PRKCE: variants seen among roughly 807,000 people sequenced by gnomAD.
PRKCE encodes the protein protein kinase C epsilon.
In PRKCE, 16 loss-of-function variants were observed where a neutral mutation model predicts 85.4. The observed-to-expected ratio is 0.19, with a 90% CI of 0.13 to 0.28. PRKCE has a LOEUF of 0.28. PRKCE is among the 10% of genes least tolerant of loss of function. The probability of loss-of-function intolerance (pLI) is 1.00; values close to 1 mark genes in which losing one functional copy is unlikely to be tolerated. For synonymous variants in PRKCE, 388 were observed against 371.5 expected (o/e 1.04, Z -0.51); for missense variants, 573 against 975.2 (o/e 0.59, Z 5.49).
intron 10 of PRKCE, among the ~76,000 whole-genome samples, chr2:46,058,897 C>T (rs986049214): frequency 2.0e-5 from 3 of 152,156 alleles, no homozygotes; most frequent in African/African-American, 2.4e-5. Context: ...GGGATCTTGC[C>T]GTGTGGCCCA....
At chr2:45,991,569 G>C (rs1395989395) in intron 6 of PRKCE, among the ~76,000 whole-genome samples, 1 of 152,204 alleles carries the variant, frequency 6.6e-6, no homozygotes, top group East Asian at 1.9e-4. Context: ...ATGTTCCGTA[G>C]ATTGTTTAAA....
At chr2:45,794,845 A>AC (rs33982229) in intron 1 of PRKCE, among the ~76,000 whole-genome samples, 12,840 of 122,138 alleles carry the variant, frequency 0.11, 1,146 homozygotes, top group African/African-American at 0.22. Flanking sequence ...TTATTGCCCT[A>AC]CCCCCCCCCC....
At chr2:45,934,863 G>A (rs1209817214) in intron 2 of PRKCE, among the ~76,000 whole-genome samples, 7 of 148,032 alleles carry the variant, frequency 4.7e-5, no homozygotes, top group Non-Finnish European at 1.0e-4. Context: ...GACCAGCGTG[G>A]GCAACATGGA....
chr2:45,692,334 T>G (rs910633168), intron 1 of PRKCE, among the ~76,000 whole-genome samples: 1 of 152,140 alleles, frequency 6.6e-6, no homozygotes, highest in African/African-American at 2.4e-5. Context: ...TTTTTTCTTG[T>G]CATTTCCACC....
In PRKCE at chr2:45,976,629, G is replaced by T. The variant is rs764294051; in HGVS notation, c.572+41G>T. On this transcript the variant is annotated intron_variant, in intron 3 of 14. Transcript: ENST00000306156. ...GGGAACCTCTAATTACAACATCTCT[G>T]TTACAAGATGTCGGGGATGGGGTAG... 9 of 1,585,424 alleles carry T rather than the reference G, an allele frequency of 5.7e-6. No homozygotes were observed. The South Asian group carries it at 8.9e-5, about 16-fold the overall frequency.
intron 2 of PRKCE, among the ~76,000 whole-genome samples, chr2:45,966,721 T>G (rs964765064): frequency 2.6e-5 from 4 of 152,114 alleles, no homozygotes; most frequent in Non-Finnish European, 4.4e-5. Flanking sequence ...TCTGACAGTT[T>G]TCCCGGTCCT....
chr2:46,025,298 G>T (rs1707014951), intron 10 of PRKCE, among the ~76,000 whole-genome samples: 1 of 152,048 alleles, frequency 6.6e-6, no homozygotes, highest in African/African-American at 2.4e-5. Flanking sequence ...TAAGACATCT[G>T]GAACACACAC....
chr2:45,752,863 A>G (rs1007077731), intron 1 of PRKCE, among the ~76,000 whole-genome samples: 2 of 152,224 alleles, frequency 1.3e-5, no homozygotes, highest in Admixed American at 6.5e-5. Context: ...AGTGGCTTAT[A>G]TAAGTTTTTT....
chr2:45,801,306 G>C (rs1687848292), intron 1 of PRKCE, among the ~76,000 whole-genome samples: 1 of 152,202 alleles, frequency 6.6e-6, no homozygotes, highest in Non-Finnish European at 1.5e-5. Flanking sequence ...TGCCTTATTA[G>C]AGGTTGGATT....
intron 2 of PRKCE, among the ~76,000 whole-genome samples, chr2:45,848,310 A>ATT (rs11378500): frequency 2.7e-4 from 40 of 150,438 alleles, no homozygotes; most frequent in African/African-American, 4.9e-4. Context: ...TTAGCAATTC[A>ATT]TTTTTTTTTT....
chr2:45,817,066 A>AGAGTGT (rs374200877), intron 1 of PRKCE, among the ~76,000 whole-genome samples: 44 of 135,880 alleles, frequency 3.2e-4, no homozygotes, highest in African/African-American at 1.2e-3. Context: ...CTGTAAGTAG[A>AGAGTGT]GTGTGTGTGT....
intron 4 of PRKCE, 116 bp downstream of exon 4, chr2:45,979,126 A>T (rs879354662): frequency 3.1e-5 from 30 of 981,308 alleles, no homozygotes; most frequent in Non-Finnish European, 4.2e-5. Flanking sequence ...CACAGCTTGC[A>T]TGCTTTCTTT....
Position 46,086,929 on chromosome 2 carries a change from T to C in PRKCE, c.1592+567T>C, listed in dbSNP as rs62127461. ...AATCCTTTATTACTGCCCACTCCCC[T>C]TCCAAGAAACACACGCACGTCCACA... On this transcript the variant is annotated intron_variant, in intron 11 of 14. Coordinates refer to ENST00000306156, the MANE Select transcript of PRKCE (RefSeq NM_005400.3). 8.0e-3 allele frequency among the ~76,000 whole-genome samples: 1,212 copies of C among 152,202 alleles called. 4 individuals carry two copies. Among genetic ancestry groups the C allele is most frequent in the Non-Finnish European group, 0.014 (981 of 68,000 alleles).
At chr2:45,951,183 C>G (rs1326383190) in intron 2 of PRKCE, among the ~76,000 whole-genome samples, 1 of 152,166 alleles carries the variant, frequency 6.6e-6, no homozygotes, top group African/African-American at 2.4e-5. Context: ...CAAGCCTCAC[C>G]CAGTGGAATT....
At position 45,652,504 on chromosome 2, in the gene PRKCE, A is replaced by G; in HGVS notation, c.348+56A>G. ...AACCCGGTTGTGGGGTCCCGGGGAA[A>G]GACTCGCTGGTCTTGATCGTAGGGC... On this transcript the variant is annotated intron_variant, in intron 1 of 14. Coordinates refer to ENST00000306156, the MANE Select transcript of PRKCE (RefSeq NM_005400.3). This position sits in a 1 kb window ranked among gnomAD's most constrained non-coding sequence, Gnocchi z 7.7. 8 of 1,469,050 alleles carry G rather than the reference A, an allele frequency of 5.4e-6. No homozygotes were observed. The highest frequency in any genetic ancestry group is 7.3e-6 in the Non-Finnish European group (8 of 1,090,008). The allele number at this position is 1,469,050 out of a possible 1,614,324, so 91.0% of individuals were successfully genotyped here. A position where few individuals can be genotyped will look rare whatever the true frequency, so the allele number is the denominator to read the frequency against.
intron 10 of PRKCE, among the ~76,000 whole-genome samples, chr2:46,055,226 C>T (rs1666452193): frequency 6.6e-6 from 1 of 152,230 alleles, no homozygotes; most frequent in Non-Finnish European, 1.5e-5. Context: ...ACAGCCACCA[C>T]CTTAGATGCT....
At chr2:46,180,793 G>C (rs1002860651) in intron 14 of PRKCE, among the ~76,000 whole-genome samples, 1 of 152,188 alleles carries the variant, frequency 6.6e-6, no homozygotes, top group African/African-American at 2.4e-5. Flanking sequence ...CAGATGGAAA[G>C]ACCACGGCTT....
chr2:46,067,805 C>T (rs1327075392), intron 10 of PRKCE, among the ~76,000 whole-genome samples: 1 of 152,178 alleles, frequency 6.6e-6, no homozygotes, highest in East Asian at 1.9e-4. Flanking sequence ...GTAATAACTA[C>T]TTAGCTAACT....
rs767169103 is a variant in PRKCE at position 46,151,116 on chromosome 2, G to A, written c.1807G>A (p.Gly603Arg). The A allele has an allele frequency of 6.3e-7, 1 of 1,599,478 alleles. No individual in the cohort carries two copies. The highest frequency in any genetic ancestry group is 8.5e-7 in the Non-Finnish European group (1 of 1,179,884). The change falls in exon 13 of 15, where the codon GGA (glycine) becomes AGA (arginine). Residue 603 changes from glycine (G) to arginine (R), a missense_variant. Gly to Arg is a moderately radical substitution (Grantham distance 125). This residue lies in a region of PRKCE where 72 missense variants were observed against 166.0 expected (regional missense o/e 0.43). Coordinates refer to ENST00000306156, the MANE Select transcript of PRKCE (RefSeq NM_005400.3). The part of the protein sequence containing the change: ...LGVLMYEMMA[G>R]QPPFEADNED... ...GGTGCTGATGTACGAGATGATGGCT[G>A]GACAGCCTCCCTTTGAGGCCGACAA...
Sources: allele counts gnomAD v4.1 joint callset (sites outside exome capture counted in the v4.1 genomes callset), GRCh38; gene constraint gnomAD v4.1.1; regional missense constraint gnomAD v4.1.1; non-coding constraint Gnocchi (gnomAD v3.1); transcripts MANE v1.5; gene names NCBI Gene and HGNC (gene_info 2026-07-23, HGNC 2026-07-21).